Variants in TCF7L1 observed in about 807,000 individuals in gnomAD.
TCF7L1 encodes the protein transcription factor 7 like 1, also known as transcription factor 7-like 1.
Under a neutral mutation model 63.7 loss-of-function variants are expected in TCF7L1, and 18 were observed. The ratio of observed to expected loss-of-function variants is 0.28; its 90% CI spans 0.20 to 0.42. The LOEUF (loss-of-function observed/expected upper bound fraction) is 0.42, where lower values mean the gene tolerates loss of function less well. Ranked by LOEUF, TCF7L1 falls within the 10% of genes least tolerant of loss-of-function variation. TCF7L1 has a pLI of 1.00. For missense variants in TCF7L1, 654 were observed against 779.3 expected (o/e 0.84, Z 1.91); for synonymous variants, 355 against 340.9 (o/e 1.04, Z -0.46).
rs374588326 is a variant in TCF7L1 at position 85,254,404 on chromosome 2, C to A, written c.442-29091C>A. ...GCAAGGGGGCTCCCTGGACGAAGTC[C>A]TCTGTGTGTCCCTTGTAGGTCAGTG... On this transcript the variant is annotated intron_variant, in intron 3 of 11. Transcript: ENST00000282111. Among the ~76,000 whole-genome samples, 136 of 152,364 alleles carry A rather than the reference C, an allele frequency of 8.9e-4. 2 individuals are homozygous for A. In the South Asian group the frequency reaches 0.013, roughly 14 times the overall value.
intron 3 of TCF7L1, among the ~76,000 whole-genome samples, chr2:85,265,837 G>A (rs1680959113): frequency 2.0e-5 from 3 of 146,744 alleles, no homozygotes; most frequent in Admixed American, 2.0e-4. Context: ...GCATATATTT[G>A]CATTTACCTT....
At chr2:85,145,426 A>G (rs561828994) in intron 3 of TCF7L1, among the ~76,000 whole-genome samples, 3 of 152,370 alleles carry the variant, frequency 2.0e-5, no homozygotes, top group African/African-American at 7.2e-5. Flanking sequence ...AATGAGTGGT[A>G]TGAAAAGCAG....
At chr2:85,153,523 A>G (rs1158152294) in intron 3 of TCF7L1, among the ~76,000 whole-genome samples, 1 of 151,748 alleles carries the variant, frequency 6.6e-6, no homozygotes, top group African/African-American at 2.4e-5. Context: ...TTGTATTTTT[A>G]GTAAAGATGG....
chr2:85,301,508 T>C (rs1671380783), intron 4 of TCF7L1, among the ~76,000 whole-genome samples: 1 of 152,224 alleles, frequency 6.6e-6, no homozygotes, highest in Non-Finnish European at 1.5e-5. Context: ...GTTTACCAAT[T>C]GTAGAACGCA....
chr2:85,246,686 CA>C (rs1420680492), intron 3 of TCF7L1, among the ~76,000 whole-genome samples: 1 of 152,178 alleles, frequency 6.6e-6, no homozygotes, highest in Admixed American at 6.5e-5. Flanking sequence ...ATATTGCCAC[CA>C]GCATTTATTA....
At chr2:85,245,366 C>A (rs190615887) in intron 3 of TCF7L1, among the ~76,000 whole-genome samples, 81 of 152,306 alleles carry the variant, frequency 5.3e-4, no homozygotes, top group South Asian at 2.5e-3. Context: ...AGCCTCTTCA[C>A]TGGGCATCAG....
intron 4 of TCF7L1, among the ~76,000 whole-genome samples, chr2:85,294,193 C>T (rs528265454): frequency 1.1e-4 from 16 of 151,868 alleles, no homozygotes; most frequent in Non-Finnish European, 2.2e-4. Flanking sequence ...CCCGCCACCA[C>T]GCCCGGCTAA....
chr2:85,291,361 T>C (rs1558658179), intron 4 of TCF7L1, among the ~76,000 whole-genome samples: 1 of 152,206 alleles, frequency 6.6e-6, no homozygotes, highest in Non-Finnish European at 1.5e-5. Context: ...ATATCTAAAT[T>C]CATCACTCAC....
chr2:85,205,667 G>T (rs1346376558), intron 3 of TCF7L1, among the ~76,000 whole-genome samples: 1 of 152,048 alleles, frequency 6.6e-6, no homozygotes, highest in African/African-American at 2.4e-5. Flanking sequence ...AAGTAGCTTG[G>T]ATTACAAGCC....
Position 85,237,573 on chromosome 2 carries a change from A to G in TCF7L1, c.442-45922A>G, listed in dbSNP as rs149065605. On this transcript the variant is annotated intron_variant, in intron 3 of 11. Coordinates refer to ENST00000282111, the MANE Select transcript of TCF7L1 (RefSeq NM_031283.3). ...AGAAAATGTCACTATCCATGTACCA[A>G]CTATTTACAGGAGATTGGGTTGGGG... 2.8e-3 allele frequency among the ~76,000 whole-genome samples: 432 copies of G among 152,170 alleles called. 1 individual carries two copies. Among genetic ancestry groups the G allele is most frequent in the African/African-American group, 1.0e-2 (415 of 41,534 alleles).
Position 85,252,602 on chromosome 2 carries a change from G to A in TCF7L1, c.442-30893G>A, listed in dbSNP as rs151338905. Among the ~76,000 whole-genome samples the A allele has an allele frequency of 5.0e-3, 759 of 152,328 alleles. 5 individuals carry two copies. Among genetic ancestry groups the A allele is most frequent in the African/African-American group, 0.017 (718 of 41,570 alleles). ...GGGGGAAATAAAAGACCACAAAAGA[G>A]CGGTGTGTTTTGAAGGAATGAATGT... On this transcript the variant is annotated intron_variant, in intron 3 of 11. Transcript: ENST00000282111.
At chr2:85,277,843 G>A (rs947945617) in intron 3 of TCF7L1, among the ~76,000 whole-genome samples, 14 of 152,160 alleles carry the variant, frequency 9.2e-5, no homozygotes, top group African/African-American at 3.1e-4. Flanking sequence ...CTGTGAGAAC[G>A]TGCGAACAGG....
intron 3 of TCF7L1, among the ~76,000 whole-genome samples, chr2:85,229,643 AT>A (rs1471006194): frequency 6.6e-6 from 1 of 152,178 alleles, no homozygotes; most frequent in Non-Finnish European, 1.5e-5. Context: ...ATTAAAGAAA[AT>A]TTGGAGATTG....
At chr2:85,291,560 A>G (rs1025182382) in intron 4 of TCF7L1, among the ~76,000 whole-genome samples, 1 of 134,766 alleles carries the variant, frequency 7.4e-6, no homozygotes, top group Non-Finnish European at 1.6e-5. Flanking sequence ...TTTTGGTTTT[A>G]GTTTTGGTTT....
chr2:85,214,660 TCTG>T (rs1379096209), intron 3 of TCF7L1, among the ~76,000 whole-genome samples: 1 of 152,180 alleles, frequency 6.6e-6, no homozygotes, highest in African/African-American at 2.4e-5. Context: ...TGTATCTTGA[TCTG>T]GTGGTGGTGA....
chr2:85,306,106 G>A lies in TCF7L1; in HGVS notation c.990-100G>A, dbSNP rs1423405391. 1.2e-5 allele frequency: 18 copies of A among 1,465,852 alleles called. No homozygotes were observed. In the East Asian group the frequency reaches 2.5e-4, roughly 21 times the overall value. The allele number at this position is 1,465,852 out of a possible 1,614,324, so 90.8% of individuals were successfully genotyped here. On this transcript the variant is annotated intron_variant, in intron 8 of 11. Transcript: ENST00000282111. The surrounding 1 kb of genome is among the most constrained non-coding windows in gnomAD (Gnocchi z 4.3). ...TTGAATTAGCATCCAGGCAGCCCGC[G>A]CCCCTCCCCAGAGACAATCAGCGGT... is the stretch of plus-strand genomic sequence containing the variant.
At chr2:85,185,233 C>G (rs548689621) in intron 3 of TCF7L1, among the ~76,000 whole-genome samples, 1 of 152,062 alleles carries the variant, frequency 6.6e-6, no homozygotes, top group South Asian at 2.1e-4. Context: ...GCCAGGCCAG[C>G]GTTTGAACTC....
intron 3 of TCF7L1, among the ~76,000 whole-genome samples, chr2:85,222,583 T>C (rs1436140418): frequency 1.3e-5 from 2 of 148,506 alleles, no homozygotes; most frequent in African/African-American, 5.1e-5. Flanking sequence ...GTTGTGAGGA[T>C]TGCTTGAGCC....
chr2:85,243,006 A>G (rs915448786), intron 3 of TCF7L1, among the ~76,000 whole-genome samples: 1 of 152,202 alleles, frequency 6.6e-6, no homozygotes, highest in African/African-American at 2.4e-5. Flanking sequence ...CTTGGCACAT[A>G]GTAGTTAACA....
Sources: gnomAD v4.1 joint callset for allele counts (sites outside exome capture counted in the v4.1 genomes callset) on GRCh38, gnomAD v4.1.1 for gene constraint, Gnocchi (gnomAD v3.1) non-coding constraint, MANE v1.5 for transcripts, NCBI Gene and HGNC (gene_info 2026-07-23, HGNC 2026-07-21) for gene names.